CEP350: variants seen among roughly 807,000 people sequenced by gnomAD.
CEP350 encodes the protein centrosome-associated protein 350.
In CEP350, 126 loss-of-function variants were observed where a neutral mutation model predicts 331.8. The observed-to-expected ratio is 0.38, with a 90% CI of 0.33 to 0.44. The LOEUF (loss-of-function observed/expected upper bound fraction) is 0.44, where lower values mean the gene tolerates loss of function less well. CEP350 is among the 20% of genes least tolerant of loss of function. The probability of loss-of-function intolerance (pLI) is 1.00; values close to 1 mark genes in which losing one functional copy is unlikely to be tolerated. For synonymous variants in CEP350, 1,200 were observed against 1,259.5 expected (o/e 0.95, Z 1.00); for missense variants, 3,406 against 3,634.6 (o/e 0.94, Z 1.62).
Position 180,078,551 on chromosome 1 carries a change from T to C in CEP350, c.5856T>C (p.Ala1952=). 1.9e-6 allele frequency: 3 copies of C among 1,613,690 alleles called. No homozygotes were observed. Among genetic ancestry groups the C allele is most frequent in the Non-Finnish European group, 2.5e-6 (3 of 1,179,774 alleles). The change falls in exon 29 of 38, where the codon GCT becomes GCC. Residue 1952 remains alanine, a synonymous_variant. Transcript: ENST00000367607. ...TTCCAGAAGAATTAGGCAGCCCTGC[T>C]GTTGAATATGTACCATCCGAGTCTA... The part of the protein sequence containing the change: ...SSIPEELGSP[A]VEYVPSESIG...
chr1:180,074,245 G>T (rs1571959549), intron 27 of CEP350, among the ~76,000 whole-genome samples: 1 of 152,132 alleles, frequency 6.6e-6, no homozygotes, highest in South Asian at 2.1e-4. Context: ...TGGTTTATTA[G>T]TAGCCTCTAA....
intron 15 of CEP350, 62 bp downstream of exon 15, chr1:180,031,556 A>C: frequency 1.2e-6 from 1 of 821,806 alleles, no homozygotes; most frequent in Non-Finnish European, 1.7e-6. Flanking sequence ...ATATTCAAAA[A>C]ATCCATATAA....
chr1:180,064,902 C>A (rs76656028), intron 26 of CEP350, among the ~76,000 whole-genome samples: 332 of 151,880 alleles, frequency 2.2e-3, no homozygotes, highest in African/African-American at 7.2e-3. Flanking sequence ...CTTTTTCTCT[C>A]TATATATAAA....
At chr1:180,098,367 A>C (rs1660612006) in intron 36 of CEP350, among the ~76,000 whole-genome samples, 1 of 151,718 alleles carries the variant, frequency 6.6e-6, no homozygotes, top group Admixed American at 6.6e-5. Flanking sequence ...TTTAGATAAG[A>C]TCTCGCTTTG....
chr1:180,011,946 A>G lies in CEP350; in HGVS notation c.1264A>G (p.Ser422Gly), dbSNP rs767449053. 2.5e-6 allele frequency: 4 copies of G among 1,600,992 alleles called. No individual in the cohort carries two copies. Among genetic ancestry groups the G allele is most frequent in the Non-Finnish European group, 3.4e-6 (4 of 1,173,276 alleles). ...ECRTGSSHLI[S>G]TSSWRDGQKL... ...TTTTTTAGGTAGTAGTCATCTTATAAGTACATCTTCTTGGCGAGATGGACA... is the reference window on the plus strand; with the variant it reads ...TTTTTTAGGTAGTAGTCATCTTATAGGTACATCTTCTTGGCGAGATGGACA... Residue 422 changes from serine to glycine, a missense_variant, in exon 9 of 38, where the codon AGT (serine) becomes GGT (glycine). Physicochemically the swap from Ser to Gly is moderately conservative, Grantham distance 56. Transcript: ENST00000367607.
Position 180,113,936 on chromosome 1 carries a change from A to C in CEP350, c.*2775A>C, listed in dbSNP as rs1185816177. 1 of 152,648 alleles carries C rather than the reference A, an allele frequency of 6.6e-6. No individual in the cohort carries two copies. The highest frequency in any genetic ancestry group is 1.9e-4 in the East Asian group (1 of 5,204). The allele number at this position is 152,648 out of a possible 1,614,324, so 9.5% of individuals were successfully genotyped here. On this transcript the variant is annotated 3_prime_UTR_variant, in exon 38 of 38. Coordinates refer to ENST00000367607, the MANE Select transcript of CEP350 (RefSeq NM_014810.5). ...CAAAACAATTTGTGCTATCCAGGGT[A>C]GTTAACTCTGGGTTAAACAAGTACA... is the stretch of plus-strand genomic sequence containing the variant.
chr1:180,085,012 G>C (rs1046403291), intron 31 of CEP350, among the ~76,000 whole-genome samples: 1 of 151,502 alleles, frequency 6.6e-6, no homozygotes, highest in Non-Finnish European at 1.5e-5. Context: ...TTTTGGAATT[G>C]TTGCTGCTTC....
At chr1:180,103,378 T>C (rs1660938881) in intron 37 of CEP350, among the ~76,000 whole-genome samples, 2 of 152,018 alleles carry the variant, frequency 1.3e-5, no homozygotes, top group Admixed American at 6.6e-5. Flanking sequence ...TACAGGCTGC[T>C]CTTCGTTAGA....
intron 2 of CEP350, among the ~76,000 whole-genome samples, 177 bp from the exon 3 acceptor site, chr1:179,987,063 A>C (rs1210671588): frequency 6.6e-6 from 1 of 152,104 alleles, no homozygotes; most frequent in Non-Finnish European, 1.5e-5. Flanking sequence ...TAATAATCTT[A>C]TAGATAAAAA....
At chr1:180,103,823 A>G (rs1020493700) in intron 37 of CEP350, among the ~76,000 whole-genome samples, 1 of 151,840 alleles carries the variant, frequency 6.6e-6, no homozygotes, top group African/African-American at 2.4e-5. Context: ...AGTTAGTCAT[A>G]GCGCTTGCCC....
At chr1:180,058,494 C>A (rs1338767308) in intron 25 of CEP350, among the ~76,000 whole-genome samples, 2 of 152,134 alleles carry the variant, frequency 1.3e-5, no homozygotes, top group East Asian at 3.9e-4. Flanking sequence ...AGTATATGTT[C>A]TGTGGAACCA....
At chr1:179,969,553 T>G (rs1254409509) in intron 1 of CEP350, 1 of 354,898 alleles carries the variant, frequency 2.8e-6, no homozygotes, top group African/African-American at 2.2e-5. Flanking sequence ...GAAACAGGGT[T>G]GATGGAAAAT....
chr1:179,960,683 G>A (rs749241300), intron 1 of CEP350, among the ~76,000 whole-genome samples: 2 of 152,114 alleles, frequency 1.3e-5, no homozygotes, highest in African/African-American at 2.4e-5. Context: ...AACAGTAAAT[G>A]AAGGTGGTGG....
chr1:179,955,090 C>G lies in CEP350; in HGVS notation c.-66C>G. 1 of 1,464,470 alleles carries G rather than the reference C, an allele frequency of 6.8e-7. No individual in the cohort carries two copies. The highest frequency in any genetic ancestry group is 9.0e-7 in the Non-Finnish European group (1 of 1,110,964). The allele number at this position is 1,464,470 out of a possible 1,614,324, so 90.7% of individuals were successfully genotyped here. A position where few individuals can be genotyped will look rare whatever the true frequency, so the allele number is the denominator to read the frequency against. ...CGGGGCGGCGTCACTGCACCCTCCG[C>G]CAGGCTCCGCGGGATGCACCGTGGT... On this transcript the variant is annotated 5_prime_UTR_variant, in exon 1 of 38. Transcript: ENST00000367607.
intron 7 of CEP350, among the ~76,000 whole-genome samples, 193 bp downstream of exon 7, chr1:180,003,480 T>TA (rs1267419126): frequency 6.6e-6 from 1 of 152,154 alleles, no homozygotes; most frequent in Non-Finnish European, 1.5e-5. Context: ...AAAATTAGCT[T>TA]ACATGGTTAA....
intron 1 of CEP350, chr1:179,969,427 A>T (rs1651266620): frequency 2.0e-6 from 1 of 503,636 alleles, no homozygotes; most frequent in Non-Finnish European, 4.0e-6. Context: ...TTCCTACTAA[A>T]GACTGGAGTG....
Position 179,996,850 on chromosome 1 carries a change from A to G in CEP350, c.693A>G (p.Gly231=). 6.2e-7 allele frequency: 1 copy of G among 1,613,796 alleles called. No homozygotes were observed. Among genetic ancestry groups the G allele is most frequent in the Non-Finnish European group, 8.5e-7 (1 of 1,179,712 alleles). The part of the protein sequence containing the change: ...TEEEMPNRTK[G]SENNLKLSVN... ...AAGAAATGCCTAACAGAACAAAAGG[A>G]AGTGAGAATAATTTGAAGCTTTCTG... The change falls in exon 6 of 38, where the codon GGA becomes GGG. Residue 231 remains glycine (G), a synonymous_variant. Coordinates refer to ENST00000367607, the MANE Select transcript of CEP350 (RefSeq NM_014810.5).
At chr1:180,052,860 A>G in intron 22 of CEP350, 110 bp from the exon 23 acceptor site, 1 of 473,320 alleles carries the variant, frequency 2.1e-6, no homozygotes, top group Non-Finnish European at 3.8e-6. Flanking sequence ...TTAGTGATCA[A>G]TTTTATGAAT....
rs538375352 is a variant in CEP350 at position 179,994,338 on chromosome 1, G to A, written c.395+2117G>A. Among the ~76,000 whole-genome samples, 236 of 152,022 alleles carry A rather than the reference G, an allele frequency of 1.6e-3. 1 individual carries two copies. Among genetic ancestry groups the A allele is most frequent in the Non-Finnish European group, 2.6e-3 (180 of 67,964 alleles). On this transcript the variant is annotated intron_variant, in intron 5 of 37. Coordinates refer to ENST00000367607, the MANE Select transcript of CEP350 (RefSeq NM_014810.5). The stretch of plus-strand genomic sequence containing the variant: ...AACTAAATTATTTTAACTGTGAATT[G>A]TTACAGTCTTGTTAATATAGTGAAA...
Sources: gnomAD v4.1 joint callset for allele counts (sites outside exome capture counted in the v4.1 genomes callset) on GRCh38, gnomAD v4.1.1 for gene constraint, MANE v1.5 for transcripts, NCBI Gene and HGNC (gene_info 2026-07-23, HGNC 2026-07-21) for gene names.